MYO3B: variants seen among roughly 807,000 people sequenced by gnomAD.
MYO3B encodes the protein myosin IIIB.
Under a neutral mutation model 174.6 loss-of-function variants are expected in MYO3B, and 156 were observed. The observed-to-expected ratio is 0.89, with a 90% CI of 0.78 to 1.02. The LOEUF (loss-of-function observed/expected upper bound fraction) is 1.02, where lower values mean the gene tolerates loss of function less well. MYO3B is among the 50% of genes least tolerant of loss of function. MYO3B has a pLI of 0.00. For missense variants in MYO3B, 1,632 were observed against 1,639.4 expected (o/e 1.00, Z 0.08); for synonymous variants, 563 against 569.1 (o/e 0.99, Z 0.15).
chr2:170,271,003 T>C (rs1267014009), intron 7 of MYO3B, among the ~76,000 whole-genome samples: 2 of 152,242 alleles, frequency 1.3e-5, no homozygotes, highest in African/African-American at 4.8e-5. Flanking sequence ...ATTTATTATC[T>C]AAGTTAATTC....
At chr2:170,334,626 T>C (rs908677068) in intron 7 of MYO3B, 3 of 152,146 alleles carry the variant, frequency 2.0e-5, no homozygotes, top group Non-Finnish European at 4.4e-5. Context: ...CAATTAAAGG[T>C]AATATAGTCA....
chr2:170,497,413 G>A (rs866381300), intron 25 of MYO3B, among the ~76,000 whole-genome samples: 9 of 151,734 alleles, frequency 5.9e-5, no homozygotes, highest in African/African-American at 1.9e-4. Context: ...TCAGGAGATC[G>A]AGACCTTCCT....
chr2:170,252,831 A>T (rs2093267656), intron 7 of MYO3B, among the ~76,000 whole-genome samples: 1 of 152,178 alleles, frequency 6.6e-6, no homozygotes, highest in African/African-American at 2.4e-5. Context: ...GAGGAAACAT[A>T]AGTGCAAAGG....
intron 7 of MYO3B, among the ~76,000 whole-genome samples, chr2:170,300,543 G>A (rs1340215804): frequency 6.6e-6 from 1 of 152,130 alleles, no homozygotes. Context: ...AGGCACGAGG[G>A]CATTTGGTGC....
At chr2:170,590,444 A>G (rs549373764) in intron 32 of MYO3B, among the ~76,000 whole-genome samples, 2 of 152,132 alleles carry the variant, frequency 1.3e-5, no homozygotes, top group East Asian at 3.9e-4. Flanking sequence ...CCCCACCCTC[A>G]CACCCCTACA....
chr2:170,594,867 A>G (rs1438611720), intron 32 of MYO3B, among the ~76,000 whole-genome samples: 2 of 150,842 alleles, frequency 1.3e-5, no homozygotes, highest in Admixed American at 1.3e-4. Flanking sequence ...ACTTGTTGCT[A>G]TCACTTTCCT....
At chr2:170,407,981 T>G in intron 22 of MYO3B, 137 bp downstream of exon 22, 2 of 1,028,112 alleles carry the variant, frequency 1.9e-6, no homozygotes, top group Non-Finnish European at 2.9e-6. Context: ...GGGTCTAAAT[T>G]CAAGAAAAGG....
chr2:170,501,945 G>A (rs1687299796), intron 28 of MYO3B, 80 bp downstream of exon 28: 1 of 1,014,718 alleles, frequency 9.9e-7, no homozygotes, highest in African/African-American at 1.6e-5. Context: ...AAGCTGAAAG[G>A]TTAATAATTC....
rs76622482 is a variant in MYO3B at position 170,476,171 on chromosome 2, G to A, written c.3014+9460G>A. Among the ~76,000 whole-genome samples the A allele has an allele frequency of 5.7e-3, 864 of 152,300 alleles. 2 individuals carry two copies. Among genetic ancestry groups the A allele is most frequent in the African/African-American group, 0.019 (803 of 41,564 alleles). On this transcript the variant is annotated intron_variant, in intron 25 of 34. Transcript: ENST00000408978. ...GGAAGGGGAGCACGTGGATGGACAC[G>A]TGCAGGAGCTGGGACAAGCGCTGTG...
At chr2:170,577,974 G>T (rs1413047669) in intron 32 of MYO3B, among the ~76,000 whole-genome samples, 2 of 152,214 alleles carry the variant, frequency 1.3e-5, no homozygotes, top group South Asian at 4.1e-4. Flanking sequence ...TGTGTGTACT[G>T]TATGTGTGTG....
chr2:170,579,329 ATATAAT>A (rs1278086860), intron 32 of MYO3B, among the ~76,000 whole-genome samples: 50 of 151,734 alleles, frequency 3.3e-4, no homozygotes, highest in Admixed American at 7.2e-4. Flanking sequence ...TATAAATAAA[ATATAAT>A]TATATTTCAA....
At chr2:170,521,522 C>T (rs1030646499) in intron 30 of MYO3B, among the ~76,000 whole-genome samples, 5 of 152,160 alleles carry the variant, frequency 3.3e-5, no homozygotes, top group South Asian at 2.1e-4. Flanking sequence ...GCTCTTCCAC[C>T]GCCCTTCTCT....
intron 32 of MYO3B, among the ~76,000 whole-genome samples, chr2:170,639,819 G>C (rs991474016): frequency 6.6e-6 from 1 of 152,118 alleles, no homozygotes; most frequent in Non-Finnish European, 1.5e-5. Context: ...CTGGAAACCA[G>C]AGATAGTATT....
At chr2:170,312,687 T>C (rs908914298) in intron 7 of MYO3B, among the ~76,000 whole-genome samples, 4 of 152,264 alleles carry the variant, frequency 2.6e-5, no homozygotes, top group African/African-American at 9.6e-5. Context: ...GGGACACTTT[T>C]CTGATTATTT....
chr2:170,358,013 G>A (rs996747929), intron 8 of MYO3B, among the ~76,000 whole-genome samples: 5 of 152,052 alleles, frequency 3.3e-5, no homozygotes, highest in Admixed American at 3.3e-4. Flanking sequence ...GTAGCCAGGT[G>A]CGGTGGGGAG....
intron 7 of MYO3B, among the ~76,000 whole-genome samples, chr2:170,247,196 T>C (rs893955235): frequency 6.6e-6 from 1 of 152,178 alleles, no homozygotes; most frequent in Non-Finnish European, 1.5e-5. Context: ...AATAAAGATA[T>C]GGCTTTTAAT....
At chr2:170,199,451 A>G (rs1378073742) in intron 2 of MYO3B, 60 bp downstream of exon 2, 13 of 1,257,678 alleles carry the variant, frequency 1.0e-5, no homozygotes, top group Non-Finnish European at 1.4e-5. Flanking sequence ...TGAGTTTTCA[A>G]CTTCTTTTCT....
intron 28 of MYO3B, among the ~76,000 whole-genome samples, chr2:170,514,109 A>T (rs1452374568): frequency 6.6e-6 from 1 of 152,194 alleles, no homozygotes; most frequent in Non-Finnish European, 1.5e-5. Context: ...CTCCGTGAGG[A>T]GGGGCAGTCC....
chr2:170,369,186 T>G (rs1483822645), intron 8 of MYO3B, 36 bp from the exon 9 acceptor site: 7 of 1,600,892 alleles, frequency 4.4e-6, no homozygotes, highest in Non-Finnish European at 6.0e-6. Flanking sequence ...GTGTCTAAGA[T>G]TGTACTTTGG....
Sources: gnomAD v4.1 joint callset for allele counts (sites outside exome capture counted in the v4.1 genomes callset) on GRCh38, gnomAD v4.1.1 for gene constraint, MANE v1.5 for transcripts, NCBI Gene and HGNC (gene_info 2026-07-23, HGNC 2026-07-21) for gene names.